SLC23A2: variants seen among roughly 807,000 people sequenced by gnomAD.
SLC23A2 encodes solute carrier family 23 member 2.
Under a neutral mutation model 73.3 loss-of-function variants are expected in SLC23A2, and 36 were observed. That is an observed-to-expected ratio of 0.49 (90% CI 0.38 to 0.65). The LOEUF (loss-of-function observed/expected upper bound fraction) is 0.65, where lower values mean the gene tolerates loss of function less well. Among genes scored for constraint, SLC23A2 ranks in the 30% least tolerant of loss-of-function variants. The pLI, the probability that SLC23A2 is intolerant of heterozygous loss-of-function variation, is 0.00. For synonymous variants in SLC23A2, 343 were observed against 327.3 expected, an observed-to-expected ratio of 1.05 and a Z score of -0.52; for missense variants, 507 against 841.6, an observed-to-expected ratio of 0.60 and a Z score of 4.92.
chr20:4,963,476 A>G (rs1300793249), intron 2 of SLC23A2, among the ~76,000 whole-genome samples: 4 of 152,242 alleles, frequency 2.6e-5, no homozygotes, highest in Admixed American at 2.6e-4. Context: ...TAAGGCTGCC[A>G]TAACTCCTTT....
chr20:4,901,516 G>T (rs964867738), intron 5 of SLC23A2, among the ~76,000 whole-genome samples: 1 of 152,094 alleles, frequency 6.6e-6, no homozygotes, highest in African/African-American at 2.4e-5. Flanking sequence ...AACGTCCCGC[G>T]TTCATCCTAT....
intron 4 of SLC23A2, among the ~76,000 whole-genome samples, chr20:4,911,082 G>A (rs965571554): frequency 9.8e-5 from 15 of 152,306 alleles, no homozygotes; most frequent in Middle Eastern, 3.4e-3. Context: ...ATGGCATAGA[G>A]GATTATATGT....
chr20:4,998,953 C>A lies in SLC23A2; in HGVS notation c.-282+2453G>T, dbSNP rs1044981503. On this transcript the variant is annotated intron_variant, in intron 1 of 16. Coordinates refer to ENST00000338244, the MANE Select transcript of SLC23A2 (RefSeq NM_005116.6). The surrounding 1 kb of genome is among the most constrained non-coding windows in gnomAD (Gnocchi z 4.1). ...CTGAGTAGCCGGAAATACAGGCATG[C>A]GCCACCATGCCCGGCTAACTTTTGT... Among the ~76,000 whole-genome samples the A allele has an allele frequency of 6.6e-6, 1 of 152,098 alleles. No individual in the cohort carries two copies.
chr20:4,869,943 A>G lies in SLC23A2; in HGVS notation c.1213T>C (p.Ser405Pro). The G allele has an allele frequency of 6.2e-7, 1 of 1,613,494 alleles. No homozygotes were observed. The highest frequency in any genetic ancestry group is 8.5e-7 in the Non-Finnish European group (1 of 1,179,580). ...IGDYYACARL[S>P]CAPPPPIHAI... The stretch of plus-strand genomic sequence containing the variant: ...TGGATGGGGGGGGGTGGGGCACAGG[A>G]CAGCCGTGCACAGGCGTAGTAGTCA... Residue 405 changes from serine to proline, a missense_variant, in exon 12 of 17, where the codon TCC becomes CCC. Physicochemically the swap from Ser to Pro is moderately conservative, Grantham distance 74. This residue lies in a region of SLC23A2 where 27 missense variants were observed against 18.2 expected (regional missense o/e 1.48). Coordinates refer to ENST00000338244, the MANE Select transcript of SLC23A2 (RefSeq NM_005116.6).
chr20:4,963,949 T>A (rs1241450538), intron 2 of SLC23A2, among the ~76,000 whole-genome samples: 3 of 152,068 alleles, frequency 2.0e-5, no homozygotes, highest in Non-Finnish European at 4.4e-5. Flanking sequence ...ATTTTTAACA[T>A]CCCGTTAACA....
chr20:4,884,208 A>G (rs1931006424), intron 8 of SLC23A2, among the ~76,000 whole-genome samples: 1 of 152,222 alleles, frequency 6.6e-6, no homozygotes, highest in Non-Finnish European at 1.5e-5. Context: ...TCGACAAGAC[A>G]ATGTTGTTGA....
At chr20:4,871,221 C>A (rs535310185) in intron 11 of SLC23A2, among the ~76,000 whole-genome samples, 1 of 152,204 alleles carries the variant, frequency 6.6e-6, no homozygotes, top group South Asian at 2.1e-4. Flanking sequence ...GAGCCAACAA[C>A]GTAGCTGGGG....
At chr20:4,913,658 G>A (rs80315779) in intron 3 of SLC23A2, among the ~76,000 whole-genome samples, 6,568 of 151,914 alleles carry the variant, frequency 0.043, 254 homozygotes, top group African/African-American at 0.096. Context: ...ACGATGTCGC[G>A]CTCTGTCGCC....
At chr20:4,937,011 C>G (rs188572015) in intron 2 of SLC23A2, among the ~76,000 whole-genome samples, 99 of 152,082 alleles carry the variant, frequency 6.5e-4, no homozygotes, top group African/African-American at 2.3e-3. Context: ...GGAGGAAGAA[C>G]GAAGAAGGGG....
chr20:4,971,171 TA>T (rs1219579961), intron 1 of SLC23A2, among the ~76,000 whole-genome samples: 1 of 151,836 alleles, frequency 6.6e-6, no homozygotes. Context: ...AGAACACCTA[TA>T]AAAAAACTTT....
intron 3 of SLC23A2, among the ~76,000 whole-genome samples, chr20:4,921,201 C>T (rs1053861370): frequency 2.0e-5 from 3 of 152,130 alleles, no homozygotes; most frequent in Non-Finnish European, 2.9e-5. Flanking sequence ...TGAGATGCCA[C>T]GATATGATAC....
chr20:4,968,261 C>T (rs994204135), intron 2 of SLC23A2, among the ~76,000 whole-genome samples: 1 of 152,010 alleles, frequency 6.6e-6, no homozygotes, highest in Non-Finnish European at 1.5e-5. Flanking sequence ...GGCGGGAATC[C>T]CAAGAGAGAT....
intron 3 of SLC23A2, 57 bp from the exon 4 acceptor site, chr20:4,913,035 C>T (rs371428035): frequency 3.1e-5 from 36 of 1,151,456 alleles, no homozygotes; most frequent in African/African-American, 1.1e-4. Context: ...TTCCTCCCCC[C>T]GAAAGCCATT....
At chr20:4,891,780 C>T (rs1600105008) in intron 6 of SLC23A2, among the ~76,000 whole-genome samples, 2 of 152,230 alleles carry the variant, frequency 1.3e-5, no homozygotes, top group South Asian at 2.1e-4. Context: ...GACAGGGTAT[C>T]GCTCTGTCAC....
At chr20:4,875,004 A>C (rs1006227416) in intron 9 of SLC23A2, among the ~76,000 whole-genome samples, 4 of 152,228 alleles carry the variant, frequency 2.6e-5, no homozygotes, top group African/African-American at 7.2e-5. Flanking sequence ...GAATGTACAC[A>C]TTGATGGGAA....
intron 13 of SLC23A2, among the ~76,000 whole-genome samples, chr20:4,865,703 C>T (rs928175063): frequency 3.3e-5 from 5 of 152,146 alleles, no homozygotes; most frequent in South Asian, 4.1e-4. Flanking sequence ...GAATTAGTTC[C>T]AGGACCGCCA....
At chr20:4,918,240 T>C (rs1438733021) in intron 3 of SLC23A2, among the ~76,000 whole-genome samples, 1 of 152,218 alleles carries the variant, frequency 6.6e-6, no homozygotes, top group Non-Finnish European at 1.5e-5. Context: ...ATCAAGTTTT[T>C]ATAAAAATAT....
intron 6 of SLC23A2, among the ~76,000 whole-genome samples, chr20:4,894,280 G>A (rs1176869343): frequency 6.6e-6 from 1 of 152,136 alleles, no homozygotes; most frequent in Non-Finnish European, 1.5e-5. Context: ...ATGCCATGAG[G>A]AAGGGCCGTG....
chr20:4,928,367 C>G (rs187708534), intron 3 of SLC23A2, among the ~76,000 whole-genome samples: 1 of 152,250 alleles, frequency 6.6e-6, no homozygotes, highest in Admixed American at 6.5e-5. Context: ...ACAAAACTAT[C>G]CACAACCCAA....
Sources: gnomAD v4.1 joint callset for allele counts (sites outside exome capture counted in the v4.1 genomes callset) on GRCh38, gnomAD v4.1.1 for gene constraint, gnomAD v4.1.1 regional missense constraint, Gnocchi (gnomAD v3.1) non-coding constraint, MANE v1.5 for transcripts, NCBI Gene and HGNC (gene_info 2026-07-23, HGNC 2026-07-21) for gene names.